PLXNB2: variants seen among roughly 807,000 people sequenced by gnomAD.
PLXNB2 encodes plexin B2.
In PLXNB2, 85 loss-of-function variants were observed where a neutral mutation model predicts 202.6. That is an observed-to-expected ratio of 0.42 (90% confidence interval 0.35 to 0.50). The LOEUF (loss-of-function observed/expected upper bound fraction) is 0.50, where lower values mean the gene tolerates loss of function less well. PLXNB2 is among the 20% of genes least tolerant of loss of function. PLXNB2 has a pLI of 0.02. For synonymous variants in PLXNB2, 1,239 were observed against 1,137.6 expected (o/e 1.09, Z -1.79); for missense variants, 2,063 against 2,586.2 (o/e 0.80, Z 4.39).
intron 2 of PLXNB2, among the ~76,000 whole-genome samples, chr22:50,290,998 C>T (rs1014806503): frequency 1.3e-5 from 2 of 152,180 alleles, no homozygotes; most frequent in African/African-American, 4.8e-5. Flanking sequence ...GACGCACCGG[C>T]CCCAGCGCAC....
At chr22:50,304,616 G>C (rs567349322) in intron 1 of PLXNB2, among the ~76,000 whole-genome samples, 51 of 152,184 alleles carry the variant, frequency 3.4e-4, no homozygotes, top group Admixed American at 3.3e-3. Context: ...AGGGAAGCTA[G>C]GGCAGCTGCC....
Position 50,287,681 on chromosome 22 carries a change from G to A in PLXNB2, c.1594C>T (p.Arg532Trp), listed in dbSNP as rs866654904. ...CCACCACGCACCTCCCCCTGGGCCC[G>A]CCGGCTCATGTTCTGTGGCTGGGCG... The part of the protein sequence containing the change: ...TSAQPQNMSR[R>W]AQGEVQLTVS... Residue 532 changes from arginine (R) to tryptophan (W), a missense_variant, in exon 7 of 37, where the codon CGG (arginine) becomes TGG (tryptophan). Physicochemically the swap from Arg to Trp is moderately radical, Grantham distance 101. Transcript: ENST00000359337. The A allele has an allele frequency of 4.1e-5, 64 of 1,545,530 alleles. No individual in the cohort carries two copies. Among genetic ancestry groups the A allele is most frequent in the Non-Finnish European group, 5.0e-5 (57 of 1,149,952 alleles).
In PLXNB2 at chr22:50,277,852, C is replaced by T. The variant is rs778672491; in HGVS notation, c.5048+1G>A. 1.9e-6 allele frequency: 3 copies of T among 1,612,618 alleles called. No individual in the cohort carries two copies. The highest frequency in any genetic ancestry group is 2.5e-6 in the Non-Finnish European group (3 of 1,179,700). On this transcript the variant is annotated splice_donor_variant, in intron 32 of 36. Transcript: ENST00000359337. LOFTEE classifies it high-confidence loss of function. ...GCCGCGGGGTGGGTGTGGAGCCTCACCTGTTCGTCTTCCAGATGTGGATGG... is the reference window on the plus strand; with the variant it reads ...GCCGCGGGGTGGGTGTGGAGCCTCATCTGTTCGTCTTCCAGATGTGGATGG...
intron 17 of PLXNB2, 57 bp downstream of exon 17, chr22:50,282,993 C>T (rs2066128931): frequency 6.3e-7 from 1 of 1,575,808 alleles, no homozygotes; most frequent in African/African-American, 1.3e-5. Context: ...AGTAAGTGCC[C>T]CCCTCCATAC....
Position 50,283,972 on chromosome 22 carries a change from G to A in PLXNB2, c.2282C>T (p.Ser761Phe). 1.3e-6 allele frequency: 2 copies of A among 1,548,064 alleles called. No individual in the cohort carries two copies. The highest frequency in any genetic ancestry group is 8.7e-7 in the Non-Finnish European group (1 of 1,149,868). Residue 761 changes from serine to phenylalanine, a missense_variant, in exon 14 of 37, where the codon TCC (serine) becomes TTC (phenylalanine). By Grantham distance (155) the Ser-to-Phe change is radical. Transcript: ENST00000359337. Reference protein sequence around the residue: ...SKLHVTLYNCSFGRSDCSLCR... With the variant: ...SKLHVTLYNCFFGRSDCSLCR... ...CAGGCTGCAGTCGCTGCGGCCAAAG[G>A]AGCAGTTGTAGAGGGTCACTGCGGG...
In PLXNB2 at chr22:50,284,029, G is replaced by A; in HGVS notation, c.2264-39C>T. 6.6e-7 allele frequency: 1 copy of A among 1,521,922 alleles called. No homozygotes were observed. Among genetic ancestry groups the A allele is most frequent in the Non-Finnish European group, 8.8e-7 (1 of 1,138,010 alleles). 94.3% of individuals were successfully genotyped at this position (1,521,922 alleles called of 1,614,324 possible). Reference sequence around the variant, plus strand: ...TGCCGTCAGTGGTCACCCCGTGCCTGCCCGCCCCCGACCTGCTCCCCACTG... The same window carrying A: ...TGCCGTCAGTGGTCACCCCGTGCCTACCCGCCCCCGACCTGCTCCCCACTG... On this transcript the variant is annotated intron_variant, in intron 13 of 36. Coordinates refer to ENST00000359337, the MANE Select transcript of PLXNB2 (RefSeq NM_012401.4). This position sits in a 1 kb window ranked among gnomAD's most constrained non-coding sequence, Gnocchi z 8.0.
At chr22:50,306,716 C>CTCACCT (rs2067896916) in intron 1 of PLXNB2, among the ~76,000 whole-genome samples, 1 of 152,034 alleles carries the variant, frequency 6.6e-6, no homozygotes, top group Non-Finnish European at 1.5e-5. Flanking sequence ...CACCCTCACC[C>CTCACCT]TCACCCTCAC....
chr22:50,290,519 G>A lies in PLXNB2; in HGVS notation c.66C>T (p.Pro22=). Residue 22 remains proline, a synonymous_variant, in exon 3 of 37, where the codon CCC becomes CCT. Coordinates refer to ENST00000359337, the MANE Select transcript of PLXNB2 (RefSeq NM_012401.4). ...CGCTGCGGAAGAAGTCCAGCTTGCG[G>A]GGCCTCAGGCTGGCACCTGCGCCCA... ...GLLGAGASLR[P]RKLDFFRSEK... 6.2e-7 allele frequency: 1 copy of A among 1,612,516 alleles called. No homozygotes were observed. The highest frequency in any genetic ancestry group is 8.5e-7 in the Non-Finnish European group (1 of 1,179,962).
intron 1 of PLXNB2, among the ~76,000 whole-genome samples, chr22:50,298,253 TAGGCCAAGGGC>T (rs1034232173): frequency 5.9e-5 from 9 of 152,338 alleles, no homozygotes; most frequent in African/African-American, 2.2e-4. Flanking sequence ...AACTCCGATG[TAGGCCAAGGGC>T]AGCACAGGGA....
rs541620877 is a variant in PLXNB2 at position 50,296,393 on chromosome 22, C to G, written c.-73-1615G>C. Among the ~76,000 whole-genome samples, 66 of 145,090 alleles carry G rather than the reference C, an allele frequency of 4.5e-4. No individual in the cohort carries two copies. The Middle Eastern group carries it at 0.014, about 30-fold the overall frequency. Reference sequence around the variant, plus strand: ...TGGGCAACAGAGCGAGACCCTGACTCTAAGATTAAAGCAAAACACAAGTTT... The same window carrying G: ...TGGGCAACAGAGCGAGACCCTGACTGTAAGATTAAAGCAAAACACAAGTTT... On this transcript the variant is annotated intron_variant, in intron 1 of 36. Coordinates refer to ENST00000359337, the MANE Select transcript of PLXNB2 (RefSeq NM_012401.4).
chr22:50,298,493 T>G (rs1439741220), intron 1 of PLXNB2, among the ~76,000 whole-genome samples: 1 of 152,118 alleles, frequency 6.6e-6, no homozygotes, highest in Admixed American at 6.5e-5. Context: ...CTACTCCAGA[T>G]GAGGCCAAGA....
intron 1 of PLXNB2, among the ~76,000 whole-genome samples, chr22:50,298,771 C>T (rs573769632): frequency 1.3e-5 from 2 of 152,294 alleles, no homozygotes; most frequent in South Asian, 4.1e-4. Context: ...TCAGCCTCTC[C>T]AGTAGCTGGG....
intron 1 of PLXNB2, among the ~76,000 whole-genome samples, chr22:50,298,363 C>G (rs1204969732): frequency 6.6e-6 from 1 of 152,162 alleles, no homozygotes; most frequent in African/African-American, 2.4e-5. Context: ...TCCTGAGGTC[C>G]CTTTTGTTTT....
At chr22:50,299,064 A>G (rs1485551071) in intron 1 of PLXNB2, among the ~76,000 whole-genome samples, 3 of 152,170 alleles carry the variant, frequency 2.0e-5, no homozygotes, top group Admixed American at 6.5e-5. Context: ...CTGGCACGGG[A>G]ACCAGAGAGG....
At chr22:50,306,835 C>G (rs1040232835) in intron 1 of PLXNB2, among the ~76,000 whole-genome samples, 10 of 152,244 alleles carry the variant, frequency 6.6e-5, no homozygotes, top group African/African-American at 2.4e-4. Context: ...GCAGGAAGCC[C>G]CAGGGCGTCC....
intron 1 of PLXNB2, among the ~76,000 whole-genome samples, chr22:50,295,630 G>A (rs558777118): frequency 3.9e-5 from 6 of 152,246 alleles, no homozygotes; most frequent in Non-Finnish European, 7.4e-5. Flanking sequence ...GTGCTTCTCC[G>A]CATGGTTGGC....
intron 1 of PLXNB2, among the ~76,000 whole-genome samples, chr22:50,299,606 G>A (rs371381557): frequency 2.0e-5 from 3 of 152,070 alleles, no homozygotes; most frequent in East Asian, 3.9e-4. Context: ...GGGGTGCCGC[G>A]GGGCGTGGGG....
intron 8 of PLXNB2, among the ~76,000 whole-genome samples, chr22:50,286,697 G>A (rs776965995): frequency 4.6e-5 from 7 of 152,210 alleles, no homozygotes; most frequent in Non-Finnish European, 1.0e-4. Context: ...AAACTCAGGG[G>A]ACATGGGCGC....
In PLXNB2 at chr22:50,284,292, C is replaced by T. The variant is rs556819579; in HGVS notation, c.2182-79G>A. The T allele has an allele frequency of 4.0e-4, 537 of 1,343,764 alleles. 5 individuals carry two copies. The South Asian group carries it at 5.9e-3, about 15-fold the overall frequency. The allele number at this position is 1,343,764 out of a possible 1,614,324, so 83.2% of individuals were successfully genotyped here. A position where few individuals can be genotyped will look rare whatever the true frequency, so the allele number is the denominator to read the frequency against. ...GGCGGGGGTCACAAGGGCAGCCTCC[C>T]TGTGGCCACCGGGTCCCTTCCCAGC... is the stretch of plus-strand genomic sequence containing the variant. On this transcript the variant is annotated intron_variant, in intron 12 of 36. Transcript: ENST00000359337. The surrounding 1 kb of genome is among the most constrained non-coding windows in gnomAD (Gnocchi z 8.0).
Sources: allele counts gnomAD v4.1 joint callset (sites outside exome capture counted in the v4.1 genomes callset), GRCh38; gene constraint gnomAD v4.1.1; non-coding constraint Gnocchi (gnomAD v3.1); transcripts MANE v1.5; gene names NCBI Gene and HGNC (gene_info 2026-07-23, HGNC 2026-07-21).